The following PHKB variants were observed in gnomAD, a reference collection of about 807,000 sequenced individuals.
The protein encoded by PHKB is phosphorylase b kinase regulatory subunit beta.
In PHKB, 122 loss-of-function variants were observed where a neutral mutation model predicts 152.1. The observed-to-expected ratio is 0.80, with a 90% confidence interval of 0.69 to 0.93. PHKB has a LOEUF of 0.93. Ranked by LOEUF, PHKB falls within the 40% of genes least tolerant of loss-of-function variation. PHKB has a pLI of 0.00. For synonymous variants in PHKB, 436 were observed against 464.9 expected, an observed-to-expected ratio of 0.94 and a Z score of 0.80; for missense variants, 1,304 against 1,328.4, an observed-to-expected ratio of 0.98 and a Z score of 0.29.
At chr16:47,566,521 A>G in intron 7 of PHKB, 1 of 1,604,136 alleles carries the variant, frequency 6.2e-7, no homozygotes, top group Non-Finnish European at 8.5e-7. Context: ...TCACGTGGTA[A>G]AAGCACTGCA....
intron 26 of PHKB, among the ~76,000 whole-genome samples, chr16:47,684,319 T>C (rs908598289): frequency 1.3e-5 from 2 of 151,870 alleles, no homozygotes; most frequent in Admixed American, 6.6e-5. Flanking sequence ...AGTAAGACCG[T>C]GTCTCAAAAA....
chr16:47,565,648 T>G, intron 7 of PHKB: 1 of 1,172,584 alleles, frequency 8.5e-7, no homozygotes, highest in Non-Finnish European at 1.3e-6. Flanking sequence ...GATGACTCAC[T>G]TCCTGTCCTC....
At position 47,669,383 on chromosome 16, in the gene PHKB, G is replaced by A. The variant is rs1235451520; in HGVS notation, c.2596G>A (p.Glu866Lys). 6.2e-7 allele frequency: 1 copy of A among 1,614,146 alleles called. No homozygotes were observed. Among genetic ancestry groups the A allele is most frequent in the Non-Finnish European group, 8.5e-7 (1 of 1,179,998 alleles). Residue 866 changes from glutamate to lysine, a missense_variant, in exon 26 of 31, where the codon GAG (glutamate) becomes AAG (lysine). Transcript: ENST00000323584. ...HIGWIISNNPELFSGMLKIRI... is the reference protein window; with the variant it reads ...HIGWIISNNPKLFSGMLKIRI... ...TGGCTGGATCATCTCCAATAACCCT[G>A]AGTTATTCAGTGGCATGCTGAAAAT...
chr16:47,538,341 AG>A (rs1311788062), intron 6 of PHKB, among the ~76,000 whole-genome samples: 1 of 152,250 alleles, frequency 6.6e-6, no homozygotes, highest in Non-Finnish European at 1.5e-5. Flanking sequence ...TAAGGTATAT[AG>A]GCAAGGTAGC....
intron 6 of PHKB, among the ~76,000 whole-genome samples, chr16:47,517,144 T>G (rs1010802682): frequency 1.3e-5 from 2 of 152,044 alleles, no homozygotes; most frequent in Non-Finnish European, 1.5e-5. Context: ...ACCCATAATA[T>G]CTCCAAAGCA....
intron 1 of PHKB, among the ~76,000 whole-genome samples, chr16:47,481,095 G>A (rs565730826): frequency 5.3e-4 from 81 of 152,166 alleles, no homozygotes; most frequent in Non-Finnish European, 9.7e-4. Flanking sequence ...CCCAAGGGTC[G>A]TGAGTTTGCT....
At chr16:47,488,672 A>G (rs75893957) in intron 1 of PHKB, among the ~76,000 whole-genome samples, 3 of 152,184 alleles carry the variant, frequency 2.0e-5, no homozygotes, top group African/African-American at 7.2e-5. Context: ...TGACTAGCCA[A>G]TTATCCCAGT....
At chr16:47,664,226 T>C (rs1311410555) in intron 24 of PHKB, 1 of 154,020 alleles carries the variant, frequency 6.5e-6, no homozygotes, top group Non-Finnish European at 1.4e-5. Context: ...TTCCCAGAGA[T>C]TGAAAAAAAA....
intron 26 of PHKB, among the ~76,000 whole-genome samples, chr16:47,685,347 C>T (rs1453338645): frequency 1.3e-5 from 2 of 152,160 alleles, no homozygotes; most frequent in African/African-American, 2.4e-5. Context: ...ATCACTTTAA[C>T]CTGGGAGCCG....
At chr16:47,681,698 C>T (rs918486853) in intron 26 of PHKB, among the ~76,000 whole-genome samples, 3 of 152,142 alleles carry the variant, frequency 2.0e-5, no homozygotes, top group Admixed American at 6.6e-5. Context: ...GAATACAGCA[C>T]ACTGATGGGT....
chr16:47,613,344 T>G (rs1013168242), intron 14 of PHKB, among the ~76,000 whole-genome samples: 1 of 152,190 alleles, frequency 6.6e-6, no homozygotes, highest in African/African-American at 2.4e-5. Context: ...GTAGTGAGGA[T>G]ATGTCAACAC....
At chr16:47,491,227 CAT>C (rs544526425) in intron 1 of PHKB, among the ~76,000 whole-genome samples, 75 of 152,202 alleles carry the variant, frequency 4.9e-4, no homozygotes, top group African/African-American at 1.8e-3. Flanking sequence ...AGGGGACAGA[CAT>C]ATAGTTCTAT....
intron 24 of PHKB, chr16:47,664,462 C>A: frequency 5.2e-6 from 1 of 193,666 alleles, no homozygotes; most frequent in Non-Finnish European, 1.1e-5. Flanking sequence ...ATAAGAAACT[C>A]CCTTAACCTC....
chr16:47,585,781 T>G (rs1971924793), intron 8 of PHKB, among the ~76,000 whole-genome samples: 1 of 152,252 alleles, frequency 6.6e-6, no homozygotes. Flanking sequence ...AGCCATTTAT[T>G]TACGGCCAGA....
Position 47,668,526 on chromosome 16 carries a change from A to G in PHKB, c.2428-689A>G, listed in dbSNP as rs114464510. Among the ~76,000 whole-genome samples, 1,030 of 152,300 alleles carry G rather than the reference A, an allele frequency of 6.8e-3. 13 individuals carry two copies. Among genetic ancestry groups the G allele is most frequent in the African/African-American group, 0.023 (964 of 41,560 alleles). ...GGGAGAAGAATGCCAAGTATAGAGG[A>G]GAGAGAGAGACCAGCTTATTCCCCT... On this transcript the variant is annotated intron_variant, in intron 25 of 30. Coordinates refer to ENST00000323584, the MANE Select transcript of PHKB (RefSeq NM_000293.3).
At chr16:47,698,681 T>G in intron 30 of PHKB, 93 bp downstream of exon 30, 1 of 1,159,726 alleles carries the variant, frequency 8.6e-7, no homozygotes, top group Non-Finnish European at 1.2e-6. Context: ...TCATTTACTT[T>G]ATAAAACAGA....
chr16:47,658,377 C>A (rs1294202089), intron 20 of PHKB, among the ~76,000 whole-genome samples: 2 of 152,106 alleles, frequency 1.3e-5, no homozygotes, highest in African/African-American at 4.8e-5. Flanking sequence ...TCATCCTACT[C>A]CCCTGCCCTG....
At chr16:47,494,704 A>AT (rs1232749888) in intron 1 of PHKB, among the ~76,000 whole-genome samples, 1 of 152,224 alleles carries the variant, frequency 6.6e-6, no homozygotes, top group Non-Finnish European at 1.5e-5. Context: ...ACATTTTACA[A>AT]TTTCATTTCA....
At chr16:47,595,160 A>G (rs1183208398) in intron 12 of PHKB, among the ~76,000 whole-genome samples, 1 of 152,206 alleles carries the variant, frequency 6.6e-6, no homozygotes, top group Admixed American at 6.5e-5. Context: ...TTTGAAGCAG[A>G]TCTTTTAATA....
Sources: allele counts gnomAD v4.1 joint callset (sites outside exome capture counted in the v4.1 genomes callset), GRCh38; gene constraint gnomAD v4.1.1; transcripts MANE v1.5; gene names NCBI Gene and HGNC (gene_info 2026-07-23, HGNC 2026-07-21).